CHAF1A: variants seen among roughly 807,000 people sequenced by gnomAD.
CHAF1A encodes the protein chromatin assembly factor 1 subunit A, also known as CAF-1 subunit A.
A neutral mutation model predicts 93.2 loss-of-function variants in CHAF1A; 5 were observed. The observed-to-expected ratio is 0.05, with a 90% confidence interval of 0.03 to 0.11. CHAF1A has a LOEUF of 0.11. Among genes scored for constraint, CHAF1A ranks in the 10% least tolerant of loss-of-function variants. The pLI, the probability that CHAF1A is intolerant of heterozygous loss-of-function variation, is 1.00. For synonymous variants in CHAF1A, 504 were observed against 510.3 expected, an observed-to-expected ratio of 0.99 and a Z score of 0.17; for missense variants, 1,102 against 1,259.9, an observed-to-expected ratio of 0.87 and a Z score of 1.90.
chr19:4,411,160 G>A (rs1177227489), intron 3 of CHAF1A, among the ~76,000 whole-genome samples: 1 of 152,114 alleles, frequency 6.6e-6, no homozygotes, highest in Non-Finnish European at 1.5e-5. Flanking sequence ...CTGTAAGCAG[G>A]TACAGTAGAC....
intron 13 of CHAF1A, among the ~76,000 whole-genome samples, chr19:4,436,066 G>C (rs547537308): frequency 1.1e-4 from 16 of 151,996 alleles, no homozygotes; most frequent in African/African-American, 3.6e-4. Flanking sequence ...TTGAACCCAG[G>C]AGGTGGAGGT....
Position 4,435,292 on chromosome 19 carries a change from G to A in CHAF1A, c.2673+1753G>A, listed in dbSNP as rs1029740396. On this transcript the variant is annotated intron_variant, in intron 13 of 14. Coordinates refer to ENST00000301280, the MANE Select transcript of CHAF1A (RefSeq NM_005483.3). The stretch of plus-strand genomic sequence containing the variant: ...TTTTTAGTAGAGACGGGGTTTTACC[G>A]TGGTCTCAATCTCCTGACCTCGTGA... 3.3e-5 allele frequency among the ~76,000 whole-genome samples: 5 copies of A among 150,606 alleles called. No homozygotes were observed. In the East Asian group the frequency reaches 5.9e-4, roughly 18 times the overall value.
intron 3 of CHAF1A, 38 bp downstream of exon 3, chr19:4,409,797 C>G (rs774759513): frequency 6.4e-7 from 1 of 1,558,162 alleles, no homozygotes; most frequent in African/African-American, 1.4e-5. Context: ...CATCAGTGCT[C>G]ACGGATCTCA....
chr19:4,445,931 C>T, downstream of CHAF1A: 1 of 1,467,102 alleles, frequency 6.8e-7, no homozygotes, highest in Non-Finnish European at 9.1e-7. Flanking sequence ...AACCCAGGGA[C>T]CTGCCCAGGC....
intron 12 of CHAF1A, among the ~76,000 whole-genome samples, chr19:4,432,747 A>G (rs549517556): frequency 7.0e-6 from 1 of 143,728 alleles, no homozygotes; most frequent in Non-Finnish European, 1.5e-5. Context: ...GTGACAGAGC[A>G]AGACCCTGTC....
chr19:4,416,318 C>T lies in CHAF1A; in HGVS notation c.961-1702C>T, dbSNP rs147271356. Among the ~76,000 whole-genome samples the T allele has an allele frequency of 3.2e-4, 49 of 152,346 alleles. No individual in the cohort carries two copies. The East Asian group carries it at 8.9e-3, about 28-fold the overall frequency. On this transcript the variant is annotated intron_variant, in intron 3 of 14. Coordinates refer to ENST00000301280, the MANE Select transcript of CHAF1A (RefSeq NM_005483.3). ...AGAACTATTTCTTCCCACTCTTAAG[C>T]GTCTCTTCCCATTGCTCTTCACTTC... is the stretch of plus-strand genomic sequence containing the variant.
intron 3 of CHAF1A, among the ~76,000 whole-genome samples, chr19:4,411,290 C>T (rs566059975): frequency 3.9e-5 from 6 of 152,220 alleles, no homozygotes; most frequent in Admixed American, 2.6e-4. Flanking sequence ...AGTACAATGG[C>T]GCCATCTCAG....
downstream of CHAF1A, chr19:4,446,170 C>A (rs965247416): frequency 6.2e-7 from 1 of 1,608,892 alleles, no homozygotes; most frequent in African/African-American, 1.3e-5. Flanking sequence ...GTACACCGCC[C>A]CCAGCCGCTC....
In CHAF1A at chr19:4,402,682, C is replaced by T. The variant is rs965967262; in HGVS notation, c.-81C>T. 3 of 938,102 alleles carry T rather than the reference C, an allele frequency of 3.2e-6. No individual in the cohort carries two copies. The highest frequency in any genetic ancestry group is 1.7e-5 in the African/African-American group (1 of 57,756). 58.1% of individuals were successfully genotyped at this position (938,102 alleles called of 1,614,324 possible). ...GCCGCGGCGGCAGCAGCGGCGCGGG[C>T]GGGAGGGCGAAGAGCAGCGGCCGCC... On this transcript the variant is annotated 5_prime_UTR_variant, in exon 1 of 15. Transcript: ENST00000301280.
At chr19:4,447,422 C>T, downstream of CHAF1A, 2 of 1,005,344 alleles carry the variant, frequency 2.0e-6, no homozygotes, top group South Asian at 1.4e-5. Flanking sequence ...GAACCCTTCA[C>T]TGCTTGTGGC....
intron 7 of CHAF1A, among the ~76,000 whole-genome samples, chr19:4,424,844 A>G (rs1169848306): frequency 1.3e-5 from 2 of 152,242 alleles, no homozygotes; most frequent in African/African-American, 4.8e-5. Flanking sequence ...CATGTTGGCT[A>G]GGCTGGTCTT....
Position 4,418,185 on chromosome 19 carries a change from C to A in CHAF1A, c.1017+109C>A. ...GGTCTAGTTTTTACATTTTCCCCAG[C>A]CTTCTCTGACCATCATTTTGATTCC... On this transcript the variant is annotated intron_variant, in intron 4 of 14. Coordinates refer to ENST00000301280, the MANE Select transcript of CHAF1A (RefSeq NM_005483.3). 4.6e-6 allele frequency: 3 copies of A among 646,382 alleles called. No homozygotes were observed. The South Asian group carries it at 5.8e-5, about 13-fold the overall frequency. 40.0% of individuals were successfully genotyped at this position (646,382 alleles called of 1,614,324 possible). A position where few individuals can be genotyped will look rare whatever the true frequency, so the allele number is the denominator to read the frequency against.
At chr19:4,448,555 G>T, downstream of CHAF1A, 1 of 704,714 alleles carries the variant, frequency 1.4e-6, no homozygotes, top group Non-Finnish European at 2.4e-6. Context: ...TCACAGAAAG[G>T]AAAAGAGAGA....
At chr19:4,404,848 G>A (rs894574634) in intron 1 of CHAF1A, among the ~76,000 whole-genome samples, 1 of 152,014 alleles carries the variant, frequency 6.6e-6, no homozygotes, top group Non-Finnish European at 1.5e-5. Flanking sequence ...TTATTAGATG[G>A]TTTCTTGAGA....
At chr19:4,408,788 T>A (rs997112223) in intron 2 of CHAF1A, 115 bp from the exon 3 acceptor site, 56 of 1,372,064 alleles carry the variant, frequency 4.1e-5, no homozygotes, top group Non-Finnish European at 4.8e-5. Flanking sequence ...TAGTCCCTTT[T>A]TAAACTTTAA....
intron 4 of CHAF1A, among the ~76,000 whole-genome samples, chr19:4,419,029 A>ATTTTTTTTT (rs11406470): frequency 0.052 from 4,980 of 95,868 alleles, no homozygotes; most frequent in East Asian, 0.065. Flanking sequence ...TAGCCAGCTA[A>ATTTTTTTTT]TTTTTTTTTT....
chr19:4,440,934 A>G (rs1289098371), intron 13 of CHAF1A, among the ~76,000 whole-genome samples: 1 of 150,678 alleles, frequency 6.6e-6, no homozygotes, highest in African/African-American at 2.4e-5. Context: ...CCTGGCCAAC[A>G]TGGCGAAACC....
chr19:4,406,411 C>G (rs1266967558), intron 2 of CHAF1A, among the ~76,000 whole-genome samples: 1 of 151,864 alleles, frequency 6.6e-6, no homozygotes, highest in Non-Finnish European at 1.5e-5. Flanking sequence ...CACCCTTGGG[C>G]CAGATGAGCG....
chr19:4,408,131 C>T (rs986170582), intron 2 of CHAF1A, among the ~76,000 whole-genome samples: 18 of 151,240 alleles, frequency 1.2e-4, no homozygotes, highest in African/African-American at 3.6e-4. Flanking sequence ...CTCAGCCTCC[C>T]GAAGTGCTGG....
Sources: allele counts gnomAD v4.1 joint callset (sites outside exome capture counted in the v4.1 genomes callset), GRCh38; gene constraint gnomAD v4.1.1; transcripts MANE v1.5; gene names NCBI Gene and HGNC (gene_info 2026-07-23, HGNC 2026-07-21).